Variants in KCNN2 observed in about 807,000 individuals in gnomAD.
The protein encoded by KCNN2 is small conductance calcium-activated potassium channel protein 2.
A neutral mutation model predicts 55.5 loss-of-function variants in KCNN2; 24 were observed. The ratio of observed to expected loss-of-function variants is 0.43; its 90% CI spans 0.31 to 0.61. The LOEUF (loss-of-function observed/expected upper bound fraction) is 0.61. KCNN2 is among the 20% of genes least tolerant of loss of function. The probability of loss-of-function intolerance (pLI) is 0.08; values close to 1 mark genes in which losing one functional copy is unlikely to be tolerated. For synonymous variants in KCNN2, 431 were observed against 336.1 expected, an observed-to-expected ratio of 1.28 and a Z score of -3.09; for missense variants, 754 against 853.6, an observed-to-expected ratio of 0.88 and a Z score of 1.45.
chr5:114,186,950 G>A (rs1000310891), intron 1 of KCNN2, among the ~76,000 whole-genome samples: 4 of 151,996 alleles, frequency 2.6e-5, no homozygotes, highest in Non-Finnish European at 4.4e-5. Context: ...TAAAAATCAC[G>A]AGATAATCTC....
chr5:114,171,733 C>T (rs555851349), intron 1 of KCNN2, among the ~76,000 whole-genome samples: 1 of 151,322 alleles, frequency 6.6e-6, no homozygotes, highest in Admixed American at 6.6e-5. Context: ...CCCTTGATGC[C>T]TAACCCTAAT....
chr5:114,139,065 T>C (rs1211808354), intron 1 of KCNN2, among the ~76,000 whole-genome samples: 1 of 152,198 alleles, frequency 6.6e-6, no homozygotes, highest in Non-Finnish European at 1.5e-5. Flanking sequence ...GTAATTGGGC[T>C]GCCGTATTAT....
At chr5:114,379,052 A>G (rs114252719) in intron 2 of KCNN2, among the ~76,000 whole-genome samples, 6,919 of 151,856 alleles carry the variant, frequency 0.046, 169 homozygotes, top group Middle Eastern at 0.065. Context: ...CCTACTGGCA[A>G]CTCCCCTTAG....
intron 2 of KCNN2, among the ~76,000 whole-genome samples, chr5:114,270,703 T>G (rs927920129): frequency 6.6e-6 from 1 of 152,220 alleles, no homozygotes; most frequent in African/African-American, 2.4e-5. Context: ...AATCTGTCAC[T>G]CAGAACTCTT....
At chr5:114,272,338 A>T (rs1732013983) in intron 2 of KCNN2, among the ~76,000 whole-genome samples, 1 of 101,830 alleles carries the variant, frequency 9.8e-6, no homozygotes. Context: ...ACATATACAC[A>T]CATATATGTA....
chr5:114,449,916 G>A (rs965069136), intron 3 of KCNN2, among the ~76,000 whole-genome samples: 1,567 of 138,296 alleles, frequency 0.011, 18 homozygotes, highest in Non-Finnish European at 0.016. Flanking sequence ...ACACGCGCGC[G>A]CTCGCGTGCG....
chr5:114,464,501 G>C (rs956587350), intron 4 of KCNN2, among the ~76,000 whole-genome samples: 21 of 152,170 alleles, frequency 1.4e-4, no homozygotes, highest in African/African-American at 4.3e-4. Context: ...GAGGGCCTCT[G>C]AGTGGTGGCC....
chr5:114,389,522 T>C (rs1223752323), intron 2 of KCNN2, among the ~76,000 whole-genome samples: 1 of 152,154 alleles, frequency 6.6e-6, no homozygotes, highest in Non-Finnish European at 1.5e-5. Context: ...TTGCTTCATG[T>C]TTTATATGAG....
intron 2 of KCNN2, among the ~76,000 whole-genome samples, chr5:114,356,551 A>G (rs2150042086): frequency 6.6e-6 from 1 of 152,216 alleles, no homozygotes; most frequent in African/African-American, 2.4e-5. Flanking sequence ...AGAGACTTTT[A>G]TAGATATGCT....
At chr5:114,157,641 G>A (rs1030760881) in intron 1 of KCNN2, among the ~76,000 whole-genome samples, 8 of 152,196 alleles carry the variant, frequency 5.3e-5, no homozygotes, top group South Asian at 4.1e-4. Context: ...AAGCGTTCCT[G>A]TTTCTCCACA....
chr5:114,473,393 T>G (rs1393977313), intron 5 of KCNN2, among the ~76,000 whole-genome samples: 1 of 152,212 alleles, frequency 6.6e-6, no homozygotes, highest in Non-Finnish European at 1.5e-5. Context: ...ACGAGTCACA[T>G]AAATGTTAGG....
rs1432420817 is a variant in KCNN2, at chr5:114,157,656, C to T, written c.-270-63824C>T. Among the ~76,000 whole-genome samples, 3 of 152,196 alleles carry T rather than the reference C, an allele frequency of 2.0e-5. No individual in the cohort carries two copies. In the East Asian group the frequency reaches 5.8e-4, roughly 29 times the overall value. On this transcript the variant is annotated intron_variant, in intron 1 of 10. Transcript: ENST00000512097. ...AAGCGTTCCTGTTTCTCCACATCCT[C>T]TCCAGCACCTGTTGTTTCCTGACTT...
At chr5:114,429,143 A>G (rs189323312) in intron 3 of KCNN2, among the ~76,000 whole-genome samples, 3 of 152,252 alleles carry the variant, frequency 2.0e-5, no homozygotes, top group South Asian at 2.1e-4. Flanking sequence ...AGGAACTGAA[A>G]AACTGTCTTC....
At chr5:114,339,107 C>A (rs1018414042) in intron 2 of KCNN2, among the ~76,000 whole-genome samples, 73 of 152,158 alleles carry the variant, frequency 4.8e-4, no homozygotes, top group African/African-American at 1.7e-3. Flanking sequence ...TTTTCTCTTT[C>A]TTTGCCAAAC....
chr5:114,456,521 C>G (rs1241127819), intron 3 of KCNN2, among the ~76,000 whole-genome samples: 1 of 152,196 alleles, frequency 6.6e-6, no homozygotes, highest in Non-Finnish European at 1.5e-5. Flanking sequence ...AACATCTATT[C>G]TGCAGCACAC....
At chr5:114,156,339 T>C (rs1162275594) in intron 1 of KCNN2, among the ~76,000 whole-genome samples, 1 of 152,152 alleles carries the variant, frequency 6.6e-6, no homozygotes, top group Non-Finnish European at 1.5e-5. Flanking sequence ...TTGTTCTTTT[T>C]ACTTGGCCTT....
rs1757447251 is a variant in KCNN2, at chr5:114,362,221, C to G, written c.82C>G (p.Gln28Glu). Residue 28 changes from glutamine to glutamate, a missense_variant, in exon 1 of 8, where the codon CAG (glutamine) becomes GAG (glutamate). This residue lies in a region of KCNN2 where 381 missense variants were observed against 259.1 expected (regional missense o/e 1.47). Coordinates refer to ENST00000673685, the MANE Select transcript of KCNN2 (RefSeq NM_021614.4). ...PPPRSSHLHC[Q>E]QQQQSQDKPC... is the part of the protein sequence containing the mutation. Reference sequence around the variant, plus strand: ...GCCGCGCTCCTCACACCTGCATTGCCAGCAGCAGCAACAGAGCCAGGACAA... The same window carrying G: ...GCCGCGCTCCTCACACCTGCATTGCGAGCAGCAGCAACAGAGCCAGGACAA... The G allele has an allele frequency of 6.0e-6, 1 of 167,474 alleles. No homozygotes were observed. Among genetic ancestry groups the G allele is most frequent in the African/African-American group, 2.4e-5 (1 of 41,606 alleles). The allele number at this position is 167,474 out of a possible 1,614,324, so 10.4% of individuals were successfully genotyped here.
At chr5:114,119,701 C>T (rs947352303) in intron 1 of KCNN2, among the ~76,000 whole-genome samples, 3 of 152,154 alleles carry the variant, frequency 2.0e-5, no homozygotes, top group African/African-American at 7.2e-5. Flanking sequence ...AAGAAGCCCT[C>T]ATTTTGGGCC....
rs541397384 is a variant in KCNN2 at position 114,352,458 on chromosome 5, T to C, written c.-184-8487T>C. On this transcript the variant is annotated intron_variant, in intron 2 of 10. Transcript: ENST00000512097. ...CTAGTCTTCATGATTCCTTCTGCCT[T>C]GTTCTCTTCTTTTCTCATAAAGTAA... Among the ~76,000 whole-genome samples the C allele has an allele frequency of 3.5e-5, 3 of 86,078 alleles. No individual in the cohort carries two copies. In the East Asian group the frequency reaches 3.2e-3, roughly 91 times the overall value. 56.5% of individuals were successfully genotyped at this position (86,078 alleles called of 152,430 possible). A position where few individuals can be genotyped will look rare whatever the true frequency, so the allele number is the denominator to read the frequency against.
Sources: gnomAD v4.1 joint callset for allele counts (sites outside exome capture counted in the v4.1 genomes callset) on GRCh38, gnomAD v4.1.1 for gene constraint, gnomAD v4.1.1 regional missense constraint, MANE v1.5 for transcripts, NCBI Gene and HGNC (gene_info 2026-07-23, HGNC 2026-07-21) for gene names.